Variants in LLGL2 observed in about 807,000 individuals in gnomAD.
The protein encoded by LLGL2 is LLGL2, scribble cell polarity complex component.
A neutral mutation model predicts 123.2 loss-of-function variants in LLGL2; 81 were observed. The observed-to-expected ratio is 0.66, with a 90% confidence interval of 0.55 to 0.79. LLGL2 has a LOEUF of 0.79. Ranked by LOEUF, LLGL2 falls within the 30% of genes least tolerant of loss-of-function variation. LLGL2 has a pLI of 0.00. For missense variants in LLGL2, 1,273 were observed against 1,414.6 expected (o/e 0.90, Z 1.61); for synonymous variants, 577 against 594.1 (o/e 0.97, Z 0.42).
At chr17:75,571,554 A>G in intron 17 of LLGL2, 113 bp from the exon 18 acceptor site, 4 of 774,636 alleles carry the variant, frequency 5.2e-6, no homozygotes, top group Non-Finnish European at 8.7e-6. Flanking sequence ...TGTGGTTGTC[A>G]GAGAGCCTTC....
chr17:75,568,910 G>T, intron 12 of LLGL2, 68 bp from the exon 13 acceptor site: 1 of 1,573,010 alleles, frequency 6.4e-7, no homozygotes, highest in Non-Finnish European at 8.6e-7. Context: ...CCCTGAGGTG[G>T]ACGAGCCAGC....
Position 75,557,373 on chromosome 17 carries a change from C to T in LLGL2, c.174-782C>T, listed in dbSNP as rs76052617. On this transcript the variant is annotated intron_variant, in intron 3 of 25. Transcript: ENST00000392550. The stretch of plus-strand genomic sequence containing the variant: ...CTGCCTGGCAGGGACAGTCCTTCCC[C>T]GGCCTGAGGCTGGATGTTGTCCAGT... Among the ~76,000 whole-genome samples the T allele has an allele frequency of 1.6e-4, 24 of 152,332 alleles. 1 individual carries two copies. In the East Asian group the frequency reaches 3.3e-3, roughly 21 times the overall value.
chr17:75,572,644 G>A (rs1445275777), intron 19 of LLGL2, among the ~76,000 whole-genome samples: 3 of 141,336 alleles, frequency 2.1e-5, no homozygotes, highest in African/African-American at 5.6e-5. Context: ...CAGCCTGGGC[G>A]ACAGAGCGAG....
chr17:75,544,510 G>A lies in LLGL2; in HGVS notation c.75+1009G>A, dbSNP rs1203495540. On this transcript the variant is annotated intron_variant, in intron 2 of 25. Transcript: ENST00000392550. The surrounding 1 kb of genome is among the most constrained non-coding windows in gnomAD (Gnocchi z 4.2). ...GAACTGTAGAAGTCAGCTTGCCCAG[G>A]TGCAAACCCAACTTTGCCACATAGA... Among the ~76,000 whole-genome samples, 6 of 152,248 alleles carry A rather than the reference G, an allele frequency of 3.9e-5. No individual in the cohort carries two copies. Among genetic ancestry groups the A allele is most frequent in the African/African-American group, 7.2e-5 (3 of 41,468 alleles).
chr17:75,525,796 C>CGCCGAGGT lies in LLGL2; in HGVS notation c.-60_-59insGCCGAGGT, dbSNP rs2053541423. 1.2e-5 allele frequency: 1 copy of CGCCGAGGT among 81,670 alleles called. No individual in the cohort carries two copies. The highest frequency in any genetic ancestry group is 1.1e-4 in the Admixed American group (1 of 9,002). The allele number at this position is 81,670 out of a possible 1,614,324, so 5.1% of individuals were successfully genotyped here. ...CGGCGGGCGCCGAGGGACGCCGAGG[C>CGCCGAGGT]CTCGGGCGGGGGCTGGCCCGGGGTT... is the stretch of plus-strand genomic sequence containing the variant. On this transcript the variant is annotated 5_prime_UTR_variant, in exon 1 of 26. Coordinates refer to ENST00000392550, the MANE Select transcript of LLGL2 (RefSeq NM_001031803.2). The surrounding 1 kb of genome is among the most constrained non-coding windows in gnomAD (Gnocchi z 4.8).
At position 75,564,520 on chromosome 17, in the gene LLGL2, C is replaced by T. The variant is rs78367086; in HGVS notation, c.1036+13C>T. 1,881 of 1,612,944 alleles carry T rather than the reference C, an allele frequency of 1.2e-3. 31 individuals carry two copies. In the African/African-American group the frequency reaches 0.022, roughly 19 times the overall value. On this transcript the variant is annotated intron_variant, in intron 10 of 25. Coordinates refer to ENST00000392550, the MANE Select transcript of LLGL2 (RefSeq NM_001031803.2). This position sits in a 1 kb window ranked among gnomAD's most constrained non-coding sequence, Gnocchi z 4.9. Reference sequence around the variant, plus strand: ...GACCCTGCAGCCAGTAGGAGAGCTTCGGGAGTGGGTGCCCAGGGTTAGGTG... The same window carrying T: ...GACCCTGCAGCCAGTAGGAGAGCTTTGGGAGTGGGTGCCCAGGGTTAGGTG...
At chr17:75,562,736 T>G in intron 6 of LLGL2, 20 of 419,978 alleles carry the variant, frequency 4.8e-5, no homozygotes, top group East Asian at 9.0e-5. Flanking sequence ...GCCCAGCTAA[T>G]GTTTTATATT....
chr17:75,556,025 C>G, intron 2 of LLGL2, 21 bp from the exon 3 acceptor site: 1 of 1,598,624 alleles, frequency 6.3e-7, no homozygotes, highest in Non-Finnish European at 8.5e-7. Flanking sequence ...GCAGGCCCAC[C>G]CCACGTGCTT....
Position 75,568,627 on chromosome 17 carries a change from C to G in LLGL2, c.1188C>G (p.Ile396Met). 1.9e-6 allele frequency: 3 copies of G among 1,613,950 alleles called. No homozygotes were observed. Among genetic ancestry groups the G allele is most frequent in the South Asian group, 2.2e-5 (2 of 91,088 alleles). Residue 396 changes from isoleucine to methionine, a missense_variant, in exon 11 of 26, where the codon ATC (isoleucine) becomes ATG (methionine). Coordinates refer to ENST00000392550, the MANE Select transcript of LLGL2 (RefSeq NM_001031803.2). ...CCTGCTCTCACCACGTCTCCAACAT[C>G]CCGCTGAAGCTGTGGGAGCGGATCA... ...AITCSHHVSN[I>M]PLKLWERIIA...
Position 75,543,536 on chromosome 17 carries a change from G to A in LLGL2, c.75+35G>A, listed in dbSNP as rs574598948. 3.1e-6 allele frequency: 5 copies of A among 1,590,718 alleles called. No individual in the cohort carries two copies. In the East Asian group the frequency reaches 1.1e-4, roughly 36 times the overall value. On this transcript the variant is annotated intron_variant, in intron 2 of 25. Transcript: ENST00000392550. The stretch of plus-strand genomic sequence containing the variant: ...GGAGAGCAGGGAAGATGACCCCCAG[G>A]TTTTCGGCCAAGCAGCTCAGGCTGG...
intron 6 of LLGL2, chr17:75,562,393 A>G (rs1598607776): frequency 6.5e-6 from 1 of 154,700 alleles, no homozygotes; most frequent in South Asian, 2.0e-4. Context: ...CGGAGGTCTT[A>G]TGCACCCTTC....
chr17:75,568,760 C>G lies in LLGL2; in HGVS notation c.1255-12C>G. 1 of 1,610,032 alleles carries G rather than the reference C, an allele frequency of 6.2e-7. No homozygotes were observed. The stretch of plus-strand genomic sequence containing the variant: ...CAAACTCTCCCATGGACTTCTTGGT[C>G]TCTTTTTCTAGGAGTGGCCAATTGA... On this transcript the variant is annotated splice_polypyrimidine_tract_variant and intron_variant, in intron 11 of 25. Coordinates refer to ENST00000392550, the MANE Select transcript of LLGL2 (RefSeq NM_001031803.2).
At chr17:75,542,838 G>C (rs1257713252) in intron 1 of LLGL2, 2 of 152,434 alleles carry the variant, frequency 1.3e-5, no homozygotes, top group African/African-American at 4.8e-5. Context: ...GCTGTGGCTG[G>C]TTGGAGAGGC....
chr17:75,557,236 G>T (rs2054955648), intron 3 of LLGL2, among the ~76,000 whole-genome samples: 1 of 152,002 alleles, frequency 6.6e-6, no homozygotes, highest in Non-Finnish European at 1.5e-5. Flanking sequence ...CTGGCCCCAG[G>T]GCCCTATCCA....
rs200994414 is a variant in LLGL2, at chr17:75,569,286, G to T, written c.1542G>T (p.Lys514Asn). The change falls in exon 14 of 26, where the codon AAG becomes AAT. Residue 514 changes from lysine (K) to asparagine (N), a missense_variant. Coordinates refer to ENST00000392550, the MANE Select transcript of LLGL2 (RefSeq NM_001031803.2). ...GCATCCAGAAGATCTTCCTCTGCAA[G>T]TACAGCGGCTACCTGGCTGTGGCAG... ...RLGIQKIFLCKYSGYLAVAGT... is the reference protein window; with the variant it reads ...RLGIQKIFLCNYSGYLAVAGT... 1.9e-6 allele frequency: 3 copies of T among 1,613,530 alleles called. No individual in the cohort carries two copies. In the Admixed American group the frequency reaches 5.0e-5, roughly 27 times the overall value.
rs1428857219 is a variant in LLGL2, at chr17:75,568,464, C to G, written c.1037-12C>G. The G allele has an allele frequency of 1.2e-6, 2 of 1,610,918 alleles. No homozygotes were observed. The highest frequency in any genetic ancestry group is 3.3e-5 in the Admixed American group (2 of 59,974). ...CCTGGCCCCGGCCCCTGACCCTTGC[C>G]CTGTACCCCAGCCTTTGACGACCCC... On this transcript the variant is annotated splice_polypyrimidine_tract_variant and intron_variant, in intron 10 of 25. Coordinates refer to ENST00000392550, the MANE Select transcript of LLGL2 (RefSeq NM_001031803.2).
chr17:75,538,720 A>C (rs1598522350), intron 1 of LLGL2: 3 of 152,162 alleles, frequency 2.0e-5, no homozygotes, highest in South Asian at 4.2e-4. Flanking sequence ...AGGGAGGGAG[A>C]GAGAACATCC....
At chr17:75,527,253 C>G (rs993827652) in intron 1 of LLGL2, among the ~76,000 whole-genome samples, 2 of 151,500 alleles carry the variant, frequency 1.3e-5, no homozygotes, top group African/African-American at 4.9e-5. Flanking sequence ...CGAGAGATGT[C>G]TCAGCTTTAT....
In LLGL2 at chr17:75,558,487, T is replaced by C; in HGVS notation, c.256-25T>C. ...GCCTTGCCTGGGTAGCAAGACCACA[T>C]GATCCCGTCGTGTGCCCTCGCCAGT... On this transcript the variant is annotated intron_variant, in intron 4 of 25. Transcript: ENST00000392550. The surrounding 1 kb of genome is among the most constrained non-coding windows in gnomAD (Gnocchi z 4.0). 6.5e-7 allele frequency: 1 copy of C among 1,549,682 alleles called. No homozygotes were observed. The highest frequency in any genetic ancestry group is 8.8e-7 in the Non-Finnish European group (1 of 1,142,240).
Sources: allele counts gnomAD v4.1 joint callset (sites outside exome capture counted in the v4.1 genomes callset), GRCh38; gene constraint gnomAD v4.1.1; non-coding constraint Gnocchi (gnomAD v3.1); transcripts MANE v1.5; gene names NCBI Gene and HGNC (gene_info 2026-07-23, HGNC 2026-07-21).